Variants in DOP1B observed in about 807,000 individuals in gnomAD.
DOP1B encodes the protein protein DOP1B.
In DOP1B, 174 loss-of-function variants were observed where a neutral mutation model predicts 233.5. The observed-to-expected ratio is 0.75, with a 90% CI of 0.66 to 0.85. The LOEUF (loss-of-function observed/expected upper bound fraction) is 0.85. DOP1B is among the 40% of genes least tolerant of loss of function. The pLI, the probability that DOP1B is intolerant of heterozygous loss-of-function variation, is 0.00. For missense variants in DOP1B, 2,652 were observed against 2,846.6 expected (o/e 0.93, Z 1.56); for synonymous variants, 1,190 against 1,185.6 (o/e 1.00, Z -0.08).
intron 27 of DOP1B, among the ~76,000 whole-genome samples, chr21:36,276,560 G>T (rs757725947): frequency 1.3e-5 from 2 of 151,744 alleles, no homozygotes; most frequent in Non-Finnish European, 2.9e-5. Context: ...TTGAATGATG[G>T]CCAGGCACGG....
At chr21:36,201,061 C>T (rs748279396) in intron 4 of DOP1B, among the ~76,000 whole-genome samples, 1 of 152,140 alleles carries the variant, frequency 6.6e-6, no homozygotes, top group Non-Finnish European at 1.5e-5. Flanking sequence ...GACCATAGTG[C>T]AGGGTTCCCA....
chr21:36,207,445 C>G (rs974967162), intron 4 of DOP1B, among the ~76,000 whole-genome samples: 8 of 151,478 alleles, frequency 5.3e-5, no homozygotes, highest in African/African-American at 1.5e-4. Flanking sequence ...TCAGCCTCCC[C>G]GAGTGCTGGG....
rs6517337 is a variant in DOP1B at position 36,198,855 on chromosome 21, C to T, written c.139-215C>T. Among the ~76,000 whole-genome samples the T allele has an allele frequency of 7.0e-3, 1,073 of 152,316 alleles. 14 individuals carry two copies. Among genetic ancestry groups the T allele is most frequent in the African/African-American group, 0.024 (997 of 41,572 alleles). On this transcript the variant is annotated intron_variant, in intron 2 of 36. Coordinates refer to ENST00000691173, the MANE Select transcript of DOP1B (RefSeq NM_001320714.2). ...GAGGTGTGACCGAGAAGCTGGCCAC[C>T]TACTAAGAAAGTCCTTGTGCCTGCC...
At chr21:36,185,635 A>G (rs2835304) in intron 2 of DOP1B, among the ~76,000 whole-genome samples, 27,406 of 152,148 alleles carry the variant, frequency 0.18, 2,613 homozygotes, top group African/African-American at 0.24. Flanking sequence ...GCAACATGTA[A>G]CAATGTCAGG....
intron 1 of DOP1B, among the ~76,000 whole-genome samples, chr21:36,163,600 G>A (rs993214697): frequency 7.2e-5 from 11 of 152,176 alleles, no homozygotes; most frequent in Non-Finnish European, 2.9e-5. Flanking sequence ...GTTCACTCAC[G>A]TTTAACTATA....
intron 13 of DOP1B, 34 bp downstream of exon 13, chr21:36,227,911 G>A: frequency 1.3e-6 from 2 of 1,521,248 alleles, no homozygotes; most frequent in Non-Finnish European, 1.8e-6. Context: ...TGGTTCTGGG[G>A]GCTAAAAGCA....
At chr21:36,277,166 AT>A in intron 28 of DOP1B, 66 bp downstream of exon 28, 1 of 1,546,748 alleles carries the variant, frequency 6.5e-7, no homozygotes, top group South Asian at 1.1e-5. Flanking sequence ...TTGCAAAGAC[AT>A]TTGTTCATTC....
chr21:36,198,073 A>G (rs116970836), intron 2 of DOP1B, among the ~76,000 whole-genome samples: 2,253 of 151,898 alleles, frequency 0.015, 25 homozygotes, highest in Middle Eastern at 0.021. Context: ...TTCAGTAAAT[A>G]TTTGTGTGAG....
intron 1 of DOP1B, among the ~76,000 whole-genome samples, chr21:36,159,178 G>A (rs1000595667): frequency 6.6e-6 from 1 of 152,096 alleles, no homozygotes; most frequent in African/African-American, 2.4e-5. Flanking sequence ...GAGACTGGGC[G>A]CAGTGGCTTA....
At chr21:36,280,038 G>A (rs909046759) in intron 30 of DOP1B, among the ~76,000 whole-genome samples, 1 of 152,126 alleles carries the variant, frequency 6.6e-6, no homozygotes, top group Non-Finnish European at 1.5e-5. Flanking sequence ...ACCACGCCCT[G>A]CTAATTTTGT....
intron 26 of DOP1B, among the ~76,000 whole-genome samples, chr21:36,265,190 G>T (rs1290814552): frequency 6.6e-6 from 1 of 152,190 alleles, no homozygotes; most frequent in Non-Finnish European, 1.5e-5. Flanking sequence ...GAGGTCAGGG[G>T]TTCAAGACCA....
intron 30 of DOP1B, among the ~76,000 whole-genome samples, chr21:36,279,169 G>T (rs2146245965): frequency 6.6e-6 from 1 of 151,888 alleles, no homozygotes; most frequent in African/African-American, 2.4e-5. Flanking sequence ...CCAACATTTT[G>T]GGAGGCTTAG....
chr21:36,211,297 T>G (rs1330722232), intron 5 of DOP1B, among the ~76,000 whole-genome samples: 1 of 152,188 alleles, frequency 6.6e-6, no homozygotes, highest in East Asian at 1.9e-4. Flanking sequence ...GAATTTGAGA[T>G]CATAGAACCC....
At chr21:36,255,087 G>GT (rs1452733376) in intron 23 of DOP1B, among the ~76,000 whole-genome samples, 1 of 150,922 alleles carries the variant, frequency 6.6e-6, no homozygotes, top group Non-Finnish European at 1.5e-5. Flanking sequence ...GTAGCTGGGA[G>GT]TACAGGTGCA....
chr21:36,224,876 C>T (rs1213426305), intron 11 of DOP1B, among the ~76,000 whole-genome samples: 1 of 151,820 alleles, frequency 6.6e-6, no homozygotes, highest in East Asian at 1.9e-4. Flanking sequence ...GAGGAGTAGT[C>T]CCAGGCCACT....
chr21:36,289,424 GGTGTGTGTGTGTGTGTGTGTGTGT>G (rs59907412), intron 35 of DOP1B, among the ~76,000 whole-genome samples: 2 of 145,030 alleles, frequency 1.4e-5, no homozygotes, highest in Admixed American at 7.1e-5. Context: ...GTGTTTCTAT[GGTGTGTGTGTGTGTGTGTGTGTGT>G]GTGTGTGTGT....
At chr21:36,287,423 T>G (rs2067497536) in intron 32 of DOP1B, among the ~76,000 whole-genome samples, 1 of 152,016 alleles carries the variant, frequency 6.6e-6, no homozygotes, top group African/African-American at 2.4e-5. Context: ...TCCAGTGGAT[T>G]TCTGGTGACA....
chr21:36,288,167 TA>T lies in DOP1B; in HGVS notation c.6297+19del. ...TCTGAATTGGTGAGTACAAGTATTG[TA>T]AGTTTGAAAGCAAGGTTGGAGCTTT... On this transcript the variant is annotated intron_variant, in intron 33 of 36. Coordinates refer to ENST00000691173, the MANE Select transcript of DOP1B (RefSeq NM_001320714.2). 1.3e-6 allele frequency: 2 copies of T among 1,598,148 alleles called. No homozygotes were observed. Among genetic ancestry groups the T allele is most frequent in the Non-Finnish European group, 1.7e-6 (2 of 1,174,610 alleles).
intron 2 of DOP1B, chr21:36,169,805 T>TTTATGCCGGTTGTTAG (rs1338795264): frequency 8.3e-7 from 1 of 1,210,274 alleles, no homozygotes; most frequent in Non-Finnish European, 1.2e-6. Context: ...GCCTTCTTCC[T>TTTATGCCGGTTGTTAG]AGATTTATGC....
Sources: gnomAD v4.1 joint callset for allele counts (sites outside exome capture counted in the v4.1 genomes callset) on GRCh38, gnomAD v4.1.1 for gene constraint, MANE v1.5 for transcripts, NCBI Gene and HGNC (gene_info 2026-07-23, HGNC 2026-07-21) for gene names.